Variants in APLP2 observed in about 807,000 individuals in gnomAD.
The protein encoded by APLP2 is amyloid beta precursor like protein 2, also known as CDEI box-binding protein.
A neutral mutation model predicts 89.9 loss-of-function variants in APLP2; 53 were observed. The ratio of observed to expected loss-of-function variants is 0.59; its 90% confidence interval spans 0.47 to 0.74. The LOEUF is 0.74. Among genes scored for constraint, APLP2 ranks in the 30% least tolerant of loss-of-function variants. The pLI is 0.00. For synonymous variants in APLP2, 372 were observed against 348.6 expected (o/e 1.07, Z -0.75); for missense variants, 973 against 975.9 (o/e 1.00, Z 0.04).
At chr11:130,099,569 G>T (rs1946639768) in intron 1 of APLP2, among the ~76,000 whole-genome samples, 1 of 152,234 alleles carries the variant, frequency 6.6e-6, no homozygotes, top group Non-Finnish European at 1.5e-5. Flanking sequence ...CTAGAGCCAG[G>T]AAGTCAGCAA....
intron 1 of APLP2, among the ~76,000 whole-genome samples, chr11:130,075,888 C>T (rs1942039016): frequency 6.6e-6 from 1 of 151,502 alleles, no homozygotes; most frequent in Admixed American, 6.6e-5. Context: ...TGAGTGTTTC[C>T]CTTAAAAGGA....
rs774327185 is a variant in APLP2, at chr11:130,141,407, C to T, written c.1924-91C>T. 7.5e-6 allele frequency: 8 copies of T among 1,060,460 alleles called. No homozygotes were observed. Among genetic ancestry groups the T allele is most frequent in the Admixed American group, 1.9e-5 (1 of 53,922 alleles). 65.7% of individuals were successfully genotyped at this position (1,060,460 alleles called of 1,614,324 possible). A position where few individuals can be genotyped will look rare whatever the true frequency, so the allele number is the denominator to read the frequency against. On this transcript the variant is annotated intron_variant, in intron 14 of 16. Coordinates refer to ENST00000338167, the MANE Select transcript of APLP2 (RefSeq NM_001142276.2). The surrounding 1 kb of genome is among the most constrained non-coding windows in gnomAD (Gnocchi z 4.2). The stretch of plus-strand genomic sequence containing the variant: ...CCCACAGGTACCTGCTTCCTTCCAT[C>T]AAGCAGCAGGTAGCAGAGGAAGGAG...
intron 10 of APLP2, among the ~76,000 whole-genome samples, 200 bp downstream of exon 10, chr11:130,129,406 G>A (rs555471524): frequency 6.6e-6 from 1 of 152,304 alleles, no homozygotes; most frequent in Non-Finnish European, 1.5e-5. Flanking sequence ...TTATGCCTGC[G>A]TATACCACCT....
chr11:130,114,420 G>T (rs372283122), intron 3 of APLP2: 1 of 152,174 alleles, frequency 6.6e-6, no homozygotes, highest in African/African-American at 2.4e-5. Context: ...ATCACAGAAG[G>T]GTTCTCACTG....
chr11:130,122,157 T>G, intron 5 of APLP2, 148 bp from the exon 6 acceptor site: 1 of 930,398 alleles, frequency 1.1e-6, no homozygotes, highest in East Asian at 2.4e-5. Flanking sequence ...CTGATGTAGC[T>G]GGGCCCCAGG....
At chr11:130,102,815 C>A (rs1468231430) in intron 1 of APLP2, among the ~76,000 whole-genome samples, 2 of 152,152 alleles carry the variant, frequency 1.3e-5, no homozygotes, top group African/African-American at 4.8e-5. Context: ...GAATTTCTGT[C>A]CTTGGATTGC....
chr11:130,110,805 TG>T, intron 3 of APLP2, 144 bp downstream of exon 3: 2 of 1,124,702 alleles, frequency 1.8e-6, no homozygotes, highest in South Asian at 3.3e-5. Flanking sequence ...CTCTTAGGGG[TG>T]TTTGCTGGCT....
chr11:130,121,181 A>G (rs1212588256), intron 4 of APLP2, among the ~76,000 whole-genome samples: 1 of 152,200 alleles, frequency 6.6e-6, no homozygotes, highest in African/African-American at 2.4e-5. Flanking sequence ...ACTGCATGCC[A>G]TCTCACTTTT....
In APLP2 at chr11:130,121,473, T is replaced by G. The variant is rs904070271; in HGVS notation, c.517-141T>G. On this transcript the variant is annotated intron_variant, in intron 4 of 16. Coordinates refer to ENST00000338167, the MANE Select transcript of APLP2 (RefSeq NM_001142276.2). ...CAATAATATTATTACAATTTTTTTT[T>G]GACAGAAAATGTATGTGTTCATAAG... 45 of 1,084,544 alleles carry G rather than the reference T, an allele frequency of 4.1e-5. 1 individual carries two copies. In the South Asian group the frequency reaches 4.7e-4, roughly 11 times the overall value. 67.2% of individuals were successfully genotyped at this position (1,084,544 alleles called of 1,614,324 possible).
At position 130,088,571 on chromosome 11, in the gene APLP2, C is replaced by G. The variant is rs371260015; in HGVS notation, c.105+18489C>G. 6.6e-5 allele frequency among the ~76,000 whole-genome samples: 10 copies of G among 152,160 alleles called. No homozygotes were observed. The East Asian group carries it at 1.2e-3, about 18-fold the overall frequency. On this transcript the variant is annotated intron_variant, in intron 1 of 16. Transcript: ENST00000338167. ...CCAGGAAAAGCAAATGTCATCTTCTCTCTCTGCTTCACTAACTTTAAATTT... is the reference window on the plus strand; with the variant it reads ...CCAGGAAAAGCAAATGTCATCTTCTGTCTCTGCTTCACTAACTTTAAATTT...
At chr11:130,124,361 G>A (rs1020365828) in intron 7 of APLP2, among the ~76,000 whole-genome samples, 3 of 152,136 alleles carry the variant, frequency 2.0e-5, no homozygotes, top group Admixed American at 6.5e-5. Context: ...TTTTGCAACC[G>A]GGTCACACAG....
intron 1 of APLP2, chr11:130,108,816 T>C (rs1028744962): frequency 1.3e-5 from 2 of 152,218 alleles, no homozygotes; most frequent in Non-Finnish European, 2.9e-5. Context: ...CAAATGTCCA[T>C]CAATGATAGA....
At chr11:130,080,652 G>GT (rs1942976991) in intron 1 of APLP2, among the ~76,000 whole-genome samples, 1 of 151,094 alleles carries the variant, frequency 6.6e-6, no homozygotes, top group Non-Finnish European at 1.5e-5. Context: ...TGTGATGACT[G>GT]TAAGCTGAAC....
At chr11:130,096,470 C>A (rs1946226188) in intron 1 of APLP2, among the ~76,000 whole-genome samples, 1 of 152,196 alleles carries the variant, frequency 6.6e-6, no homozygotes, top group African/African-American at 2.4e-5. Flanking sequence ...GTAATCCCAA[C>A]ACCTTGGGAG....
At position 130,123,441 on chromosome 11, in the gene APLP2, C is replaced by T. The variant is rs974849331; in HGVS notation, c.923-171C>T. On this transcript the variant is annotated intron_variant, in intron 6 of 16. Transcript: ENST00000338167. This position sits in a 1 kb window ranked among gnomAD's most constrained non-coding sequence, Gnocchi z 4.0. ...ATGTCTCTACTCTGTGGGGAAGCAA[C>T]TTGTCCTCAGCAAGGCTGGCCTGAG... 3.3e-5 allele frequency among the ~76,000 whole-genome samples: 5 copies of T among 152,270 alleles called. No individual in the cohort carries two copies. Among genetic ancestry groups the T allele is most frequent in the African/African-American group, 9.6e-5 (4 of 41,476 alleles).
chr11:130,137,278 C>T lies in APLP2; in HGVS notation c.1837+1563C>T, dbSNP rs571674212. Reference sequence around the variant, plus strand: ...TAGACACTCAGCCGGAGTTGTACCACCCAATGAAAAAAGGTTGGTTTGTCC... The same window carrying T: ...TAGACACTCAGCCGGAGTTGTACCATCCAATGAAAAAAGGTTGGTTTGTCC... On this transcript the variant is annotated intron_variant, in intron 13 of 16. Coordinates refer to ENST00000338167, the MANE Select transcript of APLP2 (RefSeq NM_001142276.2). The T allele has an allele frequency of 1.1e-5, 18 of 1,614,058 alleles. No homozygotes were observed. In the South Asian group the frequency reaches 1.6e-4, roughly 15 times the overall value.
At chr11:130,079,953 T>C (rs1942882906) in intron 1 of APLP2, among the ~76,000 whole-genome samples, 2 of 152,206 alleles carry the variant, frequency 1.3e-5, no homozygotes, top group South Asian at 4.1e-4. Context: ...TTTTCAAACA[T>C]CTTTTTTTGC....
At chr11:130,092,896 G>C (rs922944060) in intron 1 of APLP2, among the ~76,000 whole-genome samples, 2 of 152,126 alleles carry the variant, frequency 1.3e-5, no homozygotes, top group African/African-American at 4.8e-5. Context: ...GCCGGGAGGA[G>C]CCAAGTAAAA....
intron 3 of APLP2, among the ~76,000 whole-genome samples, chr11:130,118,228 C>A (rs555334378): frequency 1.3e-5 from 2 of 152,288 alleles, no homozygotes; most frequent in African/African-American, 4.8e-5. Context: ...ATATACATTG[C>A]TTTATGAGTA....
Sources: allele counts gnomAD v4.1 joint callset (sites outside exome capture counted in the v4.1 genomes callset), GRCh38; gene constraint gnomAD v4.1.1; non-coding constraint Gnocchi (gnomAD v3.1); transcripts MANE v1.5; gene names NCBI Gene and HGNC (gene_info 2026-07-23, HGNC 2026-07-21).